The following ANKFN1 variants were observed in gnomAD, a reference collection of about 807,000 sequenced individuals.
The protein encoded by ANKFN1 is ankyrin repeat and fibronectin type-III domain-containing protein 1.
A neutral mutation model predicts 108.7 loss-of-function variants in ANKFN1; 74 were observed. That is an observed-to-expected ratio of 0.68 (90% CI 0.56 to 0.83). The LOEUF (loss-of-function observed/expected upper bound fraction) is 0.83, where lower values mean the gene tolerates loss of function less well. ANKFN1 is among the 40% of genes least tolerant of loss of function. The pLI is 0.00. For synonymous variants in ANKFN1, 547 were observed against 516.2 expected, an observed-to-expected ratio of 1.06 and a Z score of -0.81; for missense variants, 1,505 against 1,382.3, an observed-to-expected ratio of 1.09 and a Z score of -1.41.
intron 2 of ANKFN1, among the ~76,000 whole-genome samples, chr17:56,220,635 G>A (rs1351331798): frequency 6.6e-6 from 1 of 151,422 alleles, no homozygotes; most frequent in East Asian, 1.9e-4. Context: ...AATACAGCCT[G>A]GGTGACAGAG....
chr17:56,319,059 A>T (rs934048493), intron 3 of ANKFN1, among the ~76,000 whole-genome samples: 3 of 152,346 alleles, frequency 2.0e-5, no homozygotes, highest in South Asian at 4.1e-4. Flanking sequence ...TACAAAAAAA[A>T]TGAGGAGGAA....
intron 3 of ANKFN1, among the ~76,000 whole-genome samples, chr17:56,266,241 C>T (rs1026392176): frequency 9.2e-5 from 14 of 152,120 alleles, no homozygotes; most frequent in African/African-American, 3.1e-4. Flanking sequence ...CCTCATTGCA[C>T]GAGCACTGTA....
chr17:56,106,809 T>TGAGAATGTATAAAGTGAATGTATAAA (rs1905760807), intron 4 of ANKFN1, among the ~76,000 whole-genome samples: 1 of 152,094 alleles, frequency 6.6e-6, no homozygotes, highest in Non-Finnish European at 1.5e-5. Flanking sequence ...GGAGGGCGCC[T>TGAGAATGTATAAAGTGAATGTATAAA]GAGAATGTAT....
chr17:56,166,207 C>A (rs1016463385), intron 1 of ANKFN1, among the ~76,000 whole-genome samples: 8 of 152,198 alleles, frequency 5.3e-5, no homozygotes, highest in African/African-American at 1.9e-4. Context: ...TACCTTCCCT[C>A]TCTAGGTTGT....
chr17:56,436,310 GC>G (rs2048927115), intron 8 of ANKFN1, among the ~76,000 whole-genome samples: 1 of 152,136 alleles, frequency 6.6e-6, no homozygotes, highest in African/African-American at 2.4e-5. Context: ...TACCTTTCTT[GC>G]TAATTTTCAA....
intron 1 of ANKFN1, among the ~76,000 whole-genome samples, chr17:56,203,310 A>G (rs985544584): frequency 6.6e-6 from 1 of 152,070 alleles, no homozygotes; most frequent in African/African-American, 2.4e-5. Context: ...CACATCCCAC[A>G]CTTTTAATAA....
intron 8 of ANKFN1, among the ~76,000 whole-genome samples, chr17:56,384,730 G>A (rs377375684): frequency 6.6e-6 from 1 of 152,154 alleles, no homozygotes; most frequent in South Asian, 2.1e-4. Flanking sequence ...TTGCTTCAAA[G>A]AGAATAAAAT....
At chr17:56,119,261 G>A (rs1426337903) in intron 4 of ANKFN1, among the ~76,000 whole-genome samples, 3 of 152,072 alleles carry the variant, frequency 2.0e-5, no homozygotes, top group Non-Finnish European at 2.9e-5. Flanking sequence ...ATTTAAAGAC[G>A]AGTTAAAGAA....
intron 1 of ANKFN1, among the ~76,000 whole-genome samples, chr17:56,204,007 A>G (rs1260291032): frequency 9.4e-6 from 1 of 106,812 alleles, no homozygotes; most frequent in Non-Finnish European, 1.9e-5. Flanking sequence ...TTAGGAAATC[A>G]GGCACTGTTT....
chr17:56,384,221 C>T lies in ANKFN1; in HGVS notation c.910+9507C>T, dbSNP rs181100899. Among the ~76,000 whole-genome samples the T allele has an allele frequency of 2.9e-4, 44 of 152,280 alleles. 1 individual carries two copies. In the East Asian group the frequency reaches 7.1e-3, roughly 25 times the overall value. On this transcript the variant is annotated intron_variant, in intron 8 of 20. Transcript: ENST00000682825. ...TCCAGCATGTAAACAGAACCAAAGA[C>T]GAAAACCACGTGATTATCTCAATAG...
intron 8 of ANKFN1, among the ~76,000 whole-genome samples, chr17:56,423,431 C>A (rs9896904): frequency 6.6e-6 from 1 of 152,054 alleles, no homozygotes; most frequent in Non-Finnish European, 1.5e-5. Context: ...CTCCAATGAC[C>A]CTCCTTACAC....
rs1230836017 is a variant in ANKFN1, at chr17:56,511,189, C to T, written c.3361C>T (p.Pro1121Ser). ...GCCCTCTGGAGGCCGCATCACCCTG[C>T]CCAGCCCCACTGGCCCCGATGTGAG... Reference protein sequence around the residue: ...SPPSGGRITLPSPTGPDVSQE... With the variant: ...SPPSGGRITLSSPTGPDVSQE... The change falls in exon 21 of 21, where the codon CCC becomes TCC. Residue 1121 changes from proline (P) to serine (S), a missense_variant. Physicochemically the swap from Pro to Ser is moderately conservative, Grantham distance 74. Coordinates refer to ENST00000682825, the MANE Select transcript of ANKFN1 (RefSeq NM_001370326.1). 1 of 1,535,860 alleles carries T rather than the reference C, an allele frequency of 6.5e-7. No homozygotes were observed. Among genetic ancestry groups the T allele is most frequent in the Non-Finnish European group, 8.7e-7 (1 of 1,146,848 alleles).
chr17:56,069,653 C>T (rs953860843), intron 4 of ANKFN1, among the ~76,000 whole-genome samples: 5 of 152,100 alleles, frequency 3.3e-5, no homozygotes, highest in Non-Finnish European at 5.9e-5. Context: ...TATTCTCCCA[C>T]GATCTAAAGG....
chr17:56,086,560 G>T (rs1465284419), intron 4 of ANKFN1, among the ~76,000 whole-genome samples: 1 of 151,380 alleles, frequency 6.6e-6, no homozygotes, highest in East Asian at 1.9e-4. Flanking sequence ...CCCCATTTAA[G>T]GTTTTTATCA....
chr17:56,442,565 T>A (rs889327325), intron 9 of ANKFN1, among the ~76,000 whole-genome samples: 17 of 152,114 alleles, frequency 1.1e-4, no homozygotes, highest in African/African-American at 4.1e-4. Flanking sequence ...TCAGGAAAAG[T>A]CATTATGATT....
chr17:56,411,492 C>G (rs370506002), intron 8 of ANKFN1, among the ~76,000 whole-genome samples: 2 of 152,006 alleles, frequency 1.3e-5, no homozygotes, highest in East Asian at 3.9e-4. Flanking sequence ...TTTTTCTTGC[C>G]TAATTTCTGT....
At chr17:56,406,548 G>A (rs1344665668) in intron 8 of ANKFN1, among the ~76,000 whole-genome samples, 1 of 152,116 alleles carries the variant, frequency 6.6e-6, no homozygotes, top group Non-Finnish European at 1.5e-5. Flanking sequence ...TTTAATTTTT[G>A]TGTAATATTA....
At chr17:56,458,710 A>C (rs112847007) in intron 14 of ANKFN1, among the ~76,000 whole-genome samples, 5 of 152,162 alleles carry the variant, frequency 3.3e-5, no homozygotes, top group African/African-American at 9.7e-5. Flanking sequence ...TATCTGCTAC[A>C]TGGGATTGGA....
At chr17:56,399,168 T>C (rs2144919347) in intron 8 of ANKFN1, among the ~76,000 whole-genome samples, 1 of 152,232 alleles carries the variant, frequency 6.6e-6, no homozygotes, top group Admixed American at 6.5e-5. Flanking sequence ...TAATATTAGT[T>C]TATATCATGC....
Sources: allele counts gnomAD v4.1 joint callset (sites outside exome capture counted in the v4.1 genomes callset), GRCh38; gene constraint gnomAD v4.1.1; transcripts MANE v1.5; gene names NCBI Gene and HGNC (gene_info 2026-07-23, HGNC 2026-07-21).